ITPKB: variants seen among roughly 807,000 people sequenced by gnomAD.
ITPKB encodes IP3 3-kinase B.
In ITPKB, 13 loss-of-function variants were observed where a neutral mutation model predicts 69.4. The ratio of observed to expected loss-of-function variants is 0.19; its 90% CI spans 0.12 to 0.30. The LOEUF (loss-of-function observed/expected upper bound fraction) is 0.30, where lower values mean the gene tolerates loss of function less well. ITPKB is among the 10% of genes least tolerant of loss of function. ITPKB has a pLI of 1.00. For synonymous variants in ITPKB, 584 were observed against 513.7 expected (o/e 1.14, Z -1.85); for missense variants, 1,240 against 1,250.5 (o/e 0.99, Z 0.13).
At chr1:226,668,265 G>T (rs1429085451) in intron 2 of ITPKB, among the ~76,000 whole-genome samples, 1 of 152,152 alleles carries the variant, frequency 6.6e-6, no homozygotes, top group African/African-American at 2.4e-5. Flanking sequence ...CTCTATGGAA[G>T]TTAATTCAAA....
intron 2 of ITPKB, among the ~76,000 whole-genome samples, chr1:226,655,036 AG>A (rs752411531): frequency 6.7e-6 from 1 of 148,378 alleles, no homozygotes; most frequent in African/African-American, 2.5e-5. Flanking sequence ...GGAAGAGGAC[AG>A]GGAAGAGGAG....
intron 2 of ITPKB, among the ~76,000 whole-genome samples, chr1:226,706,846 C>A (rs1224349444): frequency 6.6e-6 from 1 of 152,218 alleles, no homozygotes; most frequent in African/African-American, 2.4e-5. Context: ...CACTCTGTTG[C>A]CGAGGTGCAC....
chr1:226,634,992 C>A lies in ITPKB; in HGVS notation c.2626-106G>T. ...GGTGGGGAGGCTCGCTCAGGCCGGA[C>A]AGTTGGGTGCCTGCAATTCCAATCC... On this transcript the variant is annotated intron_variant, in intron 7 of 7. Transcript: ENST00000429204. This position sits in a 1 kb window ranked among gnomAD's most constrained non-coding sequence, Gnocchi z 6.3. 1.3e-6 allele frequency: 1 copy of A among 774,314 alleles called. No individual in the cohort carries two copies. 48.0% of individuals were successfully genotyped at this position (774,314 alleles called of 1,614,324 possible). A position where few individuals can be genotyped will look rare whatever the true frequency, so the allele number is the denominator to read the frequency against.
intron 2 of ITPKB, among the ~76,000 whole-genome samples, chr1:226,723,431 A>G (rs575519297): frequency 6.6e-6 from 1 of 152,156 alleles, no homozygotes; most frequent in Non-Finnish European, 1.5e-5. Context: ...GCCTGTGTTA[A>G]TAAGCACGTG....
intron 2 of ITPKB, among the ~76,000 whole-genome samples, chr1:226,730,779 TATAA>T (rs1367186254): frequency 2.0e-4 from 30 of 152,316 alleles, no homozygotes; most frequent in Middle Eastern, 3.4e-3. Context: ...CTCCTAGGAA[TATAA>T]ATAAACTAGC....
chr1:226,653,082 C>T (rs1245182190), intron 2 of ITPKB, among the ~76,000 whole-genome samples: 1 of 152,210 alleles, frequency 6.6e-6, no homozygotes, highest in Non-Finnish European at 1.5e-5. Flanking sequence ...ACTTATGGGG[C>T]TCTCGCTATG....
chr1:226,717,959 G>A (rs1229826341), intron 2 of ITPKB, among the ~76,000 whole-genome samples: 1 of 152,224 alleles, frequency 6.6e-6, no homozygotes, highest in East Asian at 1.9e-4. Flanking sequence ...GAAGGAGACG[G>A]TAAATAAGCC....
chr1:226,686,723 T>G (rs999272994), intron 2 of ITPKB, among the ~76,000 whole-genome samples: 3 of 152,240 alleles, frequency 2.0e-5, no homozygotes, highest in African/African-American at 7.2e-5. Context: ...TGAAAGATCA[T>G]GTGTAGCTGT....
In ITPKB at chr1:226,737,135, C is replaced by T. The variant is rs1657808299; in HGVS notation, c.324G>A (p.Gly108=). 1 of 1,601,574 alleles carries T rather than the reference C, an allele frequency of 6.2e-7. No homozygotes were observed. The highest frequency in any genetic ancestry group is 8.5e-7 in the Non-Finnish European group (1 of 1,179,588). ...CGGCTGCCACCACCTGCTGCCGGTCCCCTCGCAGGCGACCAGCCCAACTTG... is the reference window on the plus strand; with the variant it reads ...CGGCTGCCACCACCTGCTGCCGGTCTCCTCGCAGGCGACCAGCCCAACTTG... The part of the protein sequence containing the change: ...SSPSWAGRLR[G]DRQQVVAAGT... Residue 108 remains glycine, a synonymous_variant, in exon 2 of 8, where the codon GGG becomes GGA. Coordinates refer to ENST00000429204, the MANE Select transcript of ITPKB (RefSeq NM_002221.4).
chr1:226,735,842 A>T lies in ITPKB; in HGVS notation c.1617T>A (p.Ser539Arg). ...GCAGCTCCGGACTTGGGAGGGCATC[A>T]CTGTCCTGCCGCTGGCTTTCCCAAG... ...EGTWESQRQDSDALPSPELLP... is the reference protein window; with the variant it reads ...EGTWESQRQDRDALPSPELLP... Residue 539 changes from serine (S) to arginine (R), a missense_variant, in exon 2 of 8, where the codon AGT becomes AGA. This residue lies in a region of ITPKB where 992 missense variants were observed against 853.8 expected (regional missense o/e 1.16). Coordinates refer to ENST00000429204, the MANE Select transcript of ITPKB (RefSeq NM_002221.4). 2 of 1,608,322 alleles carry T rather than the reference A, an allele frequency of 1.2e-6. No individual in the cohort carries two copies. Among genetic ancestry groups the T allele is most frequent in the Non-Finnish European group, 1.7e-6 (2 of 1,175,580 alleles).
intron 4 of ITPKB, among the ~76,000 whole-genome samples, chr1:226,646,784 C>T (rs1669071333): frequency 2.0e-5 from 3 of 152,202 alleles, no homozygotes; most frequent in African/African-American, 7.2e-5. Context: ...GCAGCTCACA[C>T]AGCAGGAAGT....
chr1:226,669,648 C>G (rs1394604865), intron 2 of ITPKB, among the ~76,000 whole-genome samples: 1 of 152,038 alleles, frequency 6.6e-6, no homozygotes, highest in Non-Finnish European at 1.5e-5. Context: ...AAGACACCTG[C>G]AAACCAAAGC....
intron 2 of ITPKB, among the ~76,000 whole-genome samples, chr1:226,685,356 T>C (rs149797193): frequency 8.5e-5 from 13 of 152,310 alleles, no homozygotes; most frequent in African/African-American, 2.6e-4. Context: ...CCTGGCGACA[T>C]TGACCCACTC....
intron 2 of ITPKB, among the ~76,000 whole-genome samples, chr1:226,700,023 T>C (rs1656595623): frequency 6.6e-6 from 1 of 152,112 alleles, no homozygotes; most frequent in South Asian, 2.1e-4. Context: ...CAGTCTAGTC[T>C]TTTCGCGTTT....
chr1:226,691,998 G>A (rs890044157), intron 2 of ITPKB, among the ~76,000 whole-genome samples: 4 of 152,108 alleles, frequency 2.6e-5, no homozygotes, highest in Admixed American at 2.6e-4. Flanking sequence ...GCCTACAAAG[G>A]TCCAGTGAGG....
intron 2 of ITPKB, among the ~76,000 whole-genome samples, chr1:226,732,828 C>T (rs1286438905): frequency 6.6e-6 from 1 of 152,132 alleles, no homozygotes; most frequent in Non-Finnish European, 1.5e-5. Flanking sequence ...TGAATTTCAG[C>T]CATTGCACAC....
intron 2 of ITPKB, among the ~76,000 whole-genome samples, chr1:226,722,930 C>T (rs1261304970): frequency 1.3e-5 from 2 of 152,156 alleles, no homozygotes; most frequent in Non-Finnish European, 2.9e-5. Flanking sequence ...CTGCAGGCTA[C>T]CTGCTCCCCC....
At chr1:226,685,119 G>A (rs1656177020) in intron 2 of ITPKB, among the ~76,000 whole-genome samples, 1 of 152,142 alleles carries the variant, frequency 6.6e-6, no homozygotes, top group African/African-American at 2.4e-5. Flanking sequence ...GCCCTTCAAC[G>A]GGAACAACAC....
chr1:226,675,770 G>A (rs893021590), intron 2 of ITPKB, among the ~76,000 whole-genome samples: 3 of 152,160 alleles, frequency 2.0e-5, no homozygotes, highest in Admixed American at 6.5e-5. Context: ...TATGTGCTAC[G>A]CAAATGCTTG....
Sources: gnomAD v4.1 joint callset for allele counts (sites outside exome capture counted in the v4.1 genomes callset) on GRCh38, gnomAD v4.1.1 for gene constraint, gnomAD v4.1.1 regional missense constraint, Gnocchi (gnomAD v3.1) non-coding constraint, MANE v1.5 for transcripts, NCBI Gene and HGNC (gene_info 2026-07-23, HGNC 2026-07-21) for gene names.